The following SEZ6L variants were observed in gnomAD, a reference collection of about 807,000 sequenced individuals.
SEZ6L encodes the protein seizure related 6 homolog like.
Under a neutral mutation model 106.2 loss-of-function variants are expected in SEZ6L, and 37 were observed. The ratio of observed to expected loss-of-function variants is 0.35; its 90% confidence interval spans 0.27 to 0.46. SEZ6L has a LOEUF of 0.46. SEZ6L is among the 20% of genes least tolerant of loss of function. The pLI is 1.00. For synonymous variants in SEZ6L, 541 were observed against 570.4 expected, an observed-to-expected ratio of 0.95 and a Z score of 0.73; for missense variants, 1,172 against 1,332.8, an observed-to-expected ratio of 0.88 and a Z score of 1.88.
chr22:26,196,925 A>G (rs1157290421), intron 1 of SEZ6L, among the ~76,000 whole-genome samples: 3 of 152,208 alleles, frequency 2.0e-5, no homozygotes, highest in Admixed American at 6.5e-5. Context: ...TAGAGAGTAA[A>G]CAAGATCAGT....
Position 26,375,588 on chromosome 22 carries a change from A to G in SEZ6L, c.2841A>G (p.Ala947=). 6.2e-7 allele frequency: 1 copy of G among 1,614,100 alleles called. No homozygotes were observed. Among genetic ancestry groups the G allele is most frequent in the Non-Finnish European group, 8.5e-7 (1 of 1,179,970 alleles). ...TCCTGTGTTCAGTAGCAGAAGCGGC[A>G]GCAGAGACGTCGCTGGAAGGGGGGA... ...FEHALEVAEA[A]AETSLEGGNM... Residue 947 remains alanine, a synonymous_variant, in exon 15 of 17, where the codon GCA becomes GCG. Transcript: ENST00000248933.
intron 11 of SEZ6L, among the ~76,000 whole-genome samples, chr22:26,350,474 C>T (rs2083238680): frequency 6.6e-6 from 1 of 151,784 alleles, no homozygotes; most frequent in Non-Finnish European, 1.5e-5. Flanking sequence ...GCGATTCATC[C>T]ACCTCTGTCT....
At chr22:26,263,915 C>T (rs2080096556) in intron 1 of SEZ6L, among the ~76,000 whole-genome samples, 1 of 152,206 alleles carries the variant, frequency 6.6e-6, no homozygotes, top group African/African-American at 2.4e-5. Context: ...CATCATCTCT[C>T]ACCTGGACTG....
chr22:26,262,754 G>A (rs926630378), intron 1 of SEZ6L, among the ~76,000 whole-genome samples: 1 of 152,174 alleles, frequency 6.6e-6, no homozygotes, highest in Non-Finnish European at 1.5e-5. Flanking sequence ...CGATGGGGGA[G>A]CTTCTGAAAG....
chr22:26,215,053 C>T (rs960379149), intron 1 of SEZ6L, among the ~76,000 whole-genome samples: 5 of 152,170 alleles, frequency 3.3e-5, no homozygotes, highest in Non-Finnish European at 2.9e-5. Context: ...AGAACAGAAT[C>T]GTTCAAGAAA....
At chr22:26,371,283 TG>T (rs2084026848) in intron 13 of SEZ6L, among the ~76,000 whole-genome samples, 1 of 152,180 alleles carries the variant, frequency 6.6e-6, no homozygotes, top group Admixed American at 6.5e-5. Flanking sequence ...GCAGGATTGA[TG>T]GTGTGGGCAA....
At chr22:26,313,233 T>C (rs1427923711) in intron 8 of SEZ6L, among the ~76,000 whole-genome samples, 2 of 152,186 alleles carry the variant, frequency 1.3e-5, no homozygotes, top group Non-Finnish European at 2.9e-5. Context: ...GTGCAGCATG[T>C]TTGACATTCA....
In SEZ6L at chr22:26,199,262, G is replaced by A. The variant is rs576400642; in HGVS notation, c.94+29499G>A. 2.6e-5 allele frequency among the ~76,000 whole-genome samples: 4 copies of A among 152,246 alleles called. No individual in the cohort carries two copies. The East Asian group carries it at 5.8e-4, about 22-fold the overall frequency. ...GCAAAAATGAAGAACCATACCCAGC[G>A]CTCAAAGAACCCAGGGCCTGTTGCT... is the stretch of plus-strand genomic sequence containing the variant. On this transcript the variant is annotated intron_variant, in intron 1 of 16. Coordinates refer to ENST00000248933, the MANE Select transcript of SEZ6L (RefSeq NM_021115.5).
At chr22:26,302,442 G>A (rs1272721723) in intron 5 of SEZ6L, among the ~76,000 whole-genome samples, 6 of 152,206 alleles carry the variant, frequency 3.9e-5, no homozygotes, top group African/African-American at 1.2e-4. Flanking sequence ...TGGTGGTTGA[G>A]AGAGTATAGG....
chr22:26,373,517 TA>T, intron 14 of SEZ6L, 34 bp downstream of exon 14: 1 of 1,511,976 alleles, frequency 6.6e-7, no homozygotes. Context: ...AAAAGTTCAA[TA>T]AATCAAACTA....
At chr22:26,285,422 G>A (rs1226361542) in intron 1 of SEZ6L, among the ~76,000 whole-genome samples, 1 of 152,198 alleles carries the variant, frequency 6.6e-6, no homozygotes, top group Non-Finnish European at 1.5e-5. Context: ...TCAGTTCCAG[G>A]AATTGGGAAG....
At chr22:26,262,866 C>T (rs1451817879) in intron 1 of SEZ6L, among the ~76,000 whole-genome samples, 11 of 152,162 alleles carry the variant, frequency 7.2e-5, no homozygotes, top group Non-Finnish European at 1.2e-4. Flanking sequence ...ACAAGGGTGA[C>T]GAAATGGTTT....
At chr22:26,218,937 C>CA (rs778493665) in intron 1 of SEZ6L, among the ~76,000 whole-genome samples, 122 of 145,162 alleles carry the variant, frequency 8.4e-4, no homozygotes, top group African/African-American at 1.6e-3. Context: ...GACTCTGTCT[C>CA]AAAAAAAAAG....
Position 26,261,470 on chromosome 22 carries a change from G to C in SEZ6L, c.95-30936G>C, listed in dbSNP as rs58036662. 1.7e-3 allele frequency among the ~76,000 whole-genome samples: 259 copies of C among 152,264 alleles called. 1 individual carries two copies. The highest frequency in any genetic ancestry group is 5.8e-3 in the African/African-American group (242 of 41,556). ...CATGTGACTTGCCAATCATCCCAGC[G>C]CCATTTGTTGTGTAGGGTGTCCTTT... On this transcript the variant is annotated intron_variant, in intron 1 of 16. Coordinates refer to ENST00000248933, the MANE Select transcript of SEZ6L (RefSeq NM_021115.5).
intron 1 of SEZ6L, among the ~76,000 whole-genome samples, chr22:26,246,718 C>T (rs138495200): frequency 1.3e-5 from 2 of 152,292 alleles, no homozygotes; most frequent in East Asian, 3.9e-4. Context: ...TTGTTGAGTA[C>T]GTAGCACTGC....
intron 1 of SEZ6L, among the ~76,000 whole-genome samples, chr22:26,173,281 C>G (rs1938748133): frequency 6.6e-6 from 1 of 152,196 alleles, no homozygotes; most frequent in South Asian, 2.1e-4. Flanking sequence ...GAAAACAAAT[C>G]TCTGCGATTG....
chr22:26,356,081 C>T (rs1207723667), intron 12 of SEZ6L, among the ~76,000 whole-genome samples: 1 of 152,238 alleles, frequency 6.6e-6, no homozygotes, highest in Non-Finnish European at 1.5e-5. Context: ...TCAGCTTACT[C>T]AGTTGTTCAG....
chr22:26,256,124 G>C (rs2079810277), intron 1 of SEZ6L, among the ~76,000 whole-genome samples: 1 of 152,152 alleles, frequency 6.6e-6, no homozygotes, highest in South Asian at 2.1e-4. Context: ...AATAAGCAAA[G>C]ATAAAAATGG....
At chr22:26,175,748 T>C (rs1443426124) in intron 1 of SEZ6L, among the ~76,000 whole-genome samples, 5 of 152,138 alleles carry the variant, frequency 3.3e-5, no homozygotes, top group African/African-American at 1.2e-4. Flanking sequence ...AGAACTCACA[T>C]TGTATAAAAT....
Sources: allele counts gnomAD v4.1 joint callset (sites outside exome capture counted in the v4.1 genomes callset), GRCh38; gene constraint gnomAD v4.1.1; transcripts MANE v1.5; gene names NCBI Gene and HGNC (gene_info 2026-07-23, HGNC 2026-07-21).